Variants in SELPLG observed in about 807,000 individuals in gnomAD.
SELPLG encodes selectin P ligand.
Under a neutral mutation model 1.1 loss-of-function variants are expected in SELPLG, and 2 were observed. That is an observed-to-expected ratio of 1.82 (90% CI 0.74 to 5.71). The LOEUF (loss-of-function observed/expected upper bound fraction) is 5.71. Ranked by LOEUF, SELPLG falls within the 30% of genes most tolerant of loss-of-function variation. SELPLG has a pLI of 0.05. For missense variants in SELPLG, 478 were observed against 524.7 expected (o/e 0.91, Z 0.87); for synonymous variants, 230 against 221.2 (o/e 1.04, Z -0.35).
In SELPLG at chr12:108,624,061, C is replaced by T. The variant is rs753056495; in HGVS notation, c.247G>A (p.Val83Met). Reference sequence around the variant, plus strand: ...GTAGAACGCCTTGCAGCAGGCTCCACAGTGGTAGACTCAGGGGTTCCAGGC... The same window carrying T: ...GTAGAACGCCTTGCAGCAGGCTCCATAGTGGTAGACTCAGGGGTTCCAGGC... ...TGPGTPESTT[V>M]EPAARRSTGL... The change falls in exon 2 of 2, where the codon GTG (valine) becomes ATG (methionine). Residue 83 changes from valine (V) to methionine (M), a missense_variant. Transcript: ENST00000550948. 5.0e-6 allele frequency: 8 copies of T among 1,614,250 alleles called. No individual in the cohort carries two copies. The Admixed American group carries it at 1.3e-4, about 27-fold the overall frequency.
intron 1 of SELPLG, among the ~76,000 whole-genome samples, chr12:108,633,105 G>A (rs1257370083): frequency 6.6e-6 from 1 of 152,166 alleles, no homozygotes; most frequent in Non-Finnish European, 1.5e-5. Flanking sequence ...TCCAGGAAAG[G>A]AGAGGATAAG....
chr12:108,632,823 C>G (rs1349289692), intron 1 of SELPLG, among the ~76,000 whole-genome samples: 7 of 151,774 alleles, frequency 4.6e-5, no homozygotes, highest in Non-Finnish European at 1.0e-4. Flanking sequence ...GCCAAATATT[C>G]TAATTATTAT....
chr12:108,628,450 G>T (rs541346038), intron 1 of SELPLG, among the ~76,000 whole-genome samples: 1 of 152,026 alleles, frequency 6.6e-6, no homozygotes, highest in Non-Finnish European at 1.5e-5. Flanking sequence ...GCCCAACCTT[G>T]GCCCCACTTT....
chr12:108,630,390 C>T (rs2032026698), intron 1 of SELPLG, among the ~76,000 whole-genome samples: 1 of 152,210 alleles, frequency 6.6e-6, no homozygotes, highest in African/African-American at 2.4e-5. Flanking sequence ...CACTGAGAAT[C>T]CTGAAACTGG....
chr12:108,625,106 A>C (rs976001251), intron 1 of SELPLG, among the ~76,000 whole-genome samples: 5 of 152,244 alleles, frequency 3.3e-5, no homozygotes, highest in African/African-American at 1.2e-4. Flanking sequence ...GTCCATAAGC[A>C]GAAGAGTTTG....
chr12:108,628,316 G>A (rs2031976779), intron 1 of SELPLG, among the ~76,000 whole-genome samples: 1 of 91,320 alleles, frequency 1.1e-5, no homozygotes, highest in African/African-American at 5.8e-5. Context: ...CTTAATAAAT[G>A]TAACACACAC....
chr12:108,627,000 A>G (rs887370987), intron 1 of SELPLG, among the ~76,000 whole-genome samples: 3 of 152,110 alleles, frequency 2.0e-5, no homozygotes, highest in African/African-American at 7.3e-5. Flanking sequence ...GCTATTTGGG[A>G]GGCCAAGGCA....
In SELPLG at chr12:108,622,016, A is replaced by T. The variant is rs553983048; in HGVS notation, c.*1053T>A. 4.6e-5 allele frequency among the ~76,000 whole-genome samples: 7 copies of T among 152,334 alleles called. No individual in the cohort carries two copies. In the South Asian group the frequency reaches 1.5e-3, roughly 32 times the overall value. On this transcript the variant is annotated 3_prime_UTR_variant, in exon 2 of 2. Coordinates refer to ENST00000550948, the MANE Select transcript of SELPLG (RefSeq NM_003006.4). ...ATGGAGGAAGTGGAATAAAGTGGTC[A>T]CTGGTGGGGAAGGGGCAGCCCTCCC...
rs764725085 is a variant in SELPLG at position 108,624,226 on chromosome 12, C to T, written c.82G>A (p.Ala28Thr). Residue 28 changes from alanine (A) to threonine (T), a missense_variant, in exon 2 of 2, where the codon GCC becomes ACC. Ala to Thr is a moderately conservative substitution (Grantham distance 58). Transcript: ENST00000550948. ...AGCAGGGGACCCAAGGCTTTCTCGG[C>T]TTCATCTGCCCAGGTGTCCCACAGC... ...LQLWDTWADE[A>T]EKALGPLLAR... 6.2e-7 allele frequency: 1 copy of T among 1,614,232 alleles called. No individual in the cohort carries two copies. The highest frequency in any genetic ancestry group is 1.7e-5 in the Admixed American group (1 of 60,022).
intron 1 of SELPLG, among the ~76,000 whole-genome samples, chr12:108,629,381 C>T (rs1226154072): frequency 6.6e-6 from 1 of 152,212 alleles, no homozygotes; most frequent in Non-Finnish European, 1.5e-5. Context: ...AGCCAGGCCA[C>T]AGCTGAGCAG....
intron 1 of SELPLG, among the ~76,000 whole-genome samples, chr12:108,629,704 T>C (rs1186180636): frequency 2.0e-5 from 3 of 151,932 alleles, no homozygotes; most frequent in African/African-American, 7.3e-5. Flanking sequence ...AGACCCTGTC[T>C]CTAAGAAAAA....
At chr12:108,624,367 G>C in intron 1 of SELPLG, 55 bp from the exon 2 acceptor site, 2 of 1,539,704 alleles carry the variant, frequency 1.3e-6, no homozygotes, top group Middle Eastern at 1.8e-4. Context: ...CTTGGGCTTA[G>C]CAAGCACCCT....
At chr12:108,629,011 G>A (rs1373711080) in intron 1 of SELPLG, among the ~76,000 whole-genome samples, 1 of 152,176 alleles carries the variant, frequency 6.6e-6, no homozygotes, top group Non-Finnish European at 1.5e-5. Flanking sequence ...TCCAGCCGGG[G>A]GTACTTTATC....
rs778594854 is a variant in SELPLG at position 108,628,405 on chromosome 12, T to C, written c.-5-4093A>G. On this transcript the variant is annotated intron_variant, in intron 1 of 1. Coordinates refer to ENST00000550948, the MANE Select transcript of SELPLG (RefSeq NM_003006.4). ...TGCCTTCAGGGCAGCAGAATTTCTT[T>C]GGGGTAGAGTTCTTATCTGGGGGAA... Among the ~76,000 whole-genome samples, 108 of 151,920 alleles carry C rather than the reference T, an allele frequency of 7.1e-4. 1 individual carries two copies. Among genetic ancestry groups the C allele is most frequent in the Non-Finnish European group, 1.4e-3 (97 of 68,004 alleles).
chr12:108,631,000 G>A (rs1404075840), intron 1 of SELPLG, among the ~76,000 whole-genome samples: 1 of 152,146 alleles, frequency 6.6e-6, no homozygotes, highest in Non-Finnish European at 1.5e-5. Context: ...GCCCCCACCA[G>A]ACCACAAGTT....
At chr12:108,625,021 T>C (rs1350686183) in intron 1 of SELPLG, among the ~76,000 whole-genome samples, 1 of 152,192 alleles carries the variant, frequency 6.6e-6, no homozygotes, top group Non-Finnish European at 1.5e-5. Flanking sequence ...AAGTATTACA[T>C]TATTTATAAT....
chr12:108,626,965 C>T (rs1355242238), intron 1 of SELPLG, among the ~76,000 whole-genome samples: 2 of 152,052 alleles, frequency 1.3e-5, no homozygotes, highest in Admixed American at 1.3e-4. Context: ...ATTAGCCGGG[C>T]GTGGTGGTGC....
At chr12:108,625,228 T>C (rs1466852683) in intron 1 of SELPLG, among the ~76,000 whole-genome samples, 1 of 152,132 alleles carries the variant, frequency 6.6e-6, no homozygotes, top group African/African-American at 2.4e-5. Context: ...CCTCTATATG[T>C]CTGTCTTCCT....
intron 1 of SELPLG, among the ~76,000 whole-genome samples, chr12:108,628,118 C>T (rs2031971710): frequency 6.6e-6 from 1 of 151,852 alleles, no homozygotes; most frequent in Non-Finnish European, 1.5e-5. Context: ...GAAAAATTAG[C>T]CAGGCATGAT....
Sources: allele counts gnomAD v4.1 joint callset (sites outside exome capture counted in the v4.1 genomes callset), GRCh38; gene constraint gnomAD v4.1.1; transcripts MANE v1.5; gene names NCBI Gene and HGNC (gene_info 2026-07-23, HGNC 2026-07-21).